Variants in GRID1 observed in about 807,000 individuals in gnomAD.
GRID1 encodes the protein glutamate receptor ionotropic, delta-1.
Under a neutral mutation model 98.0 loss-of-function variants are expected in GRID1, and 28 were observed. The ratio of observed to expected loss-of-function variants is 0.29; its 90% CI spans 0.21 to 0.39. The LOEUF (loss-of-function observed/expected upper bound fraction) is 0.39. Ranked by LOEUF, GRID1 falls within the 10% of genes least tolerant of loss-of-function variation. The pLI is 1.00. For missense variants in GRID1, 1,111 were observed against 1,340.5 expected, an observed-to-expected ratio of 0.83 and a Z score of 2.67; for synonymous variants, 553 against 538.5, an observed-to-expected ratio of 1.03 and a Z score of -0.37.
At chr10:86,178,074 G>C (rs1845602892) in intron 3 of GRID1, among the ~76,000 whole-genome samples, 1 of 152,062 alleles carries the variant, frequency 6.6e-6, no homozygotes, top group Non-Finnish European at 1.5e-5. Context: ...GTAAACCTCT[G>C]TGCTGAGATT....
intron 5 of GRID1, among the ~76,000 whole-genome samples, chr10:85,889,068 T>C (rs778834221): frequency 1.7e-4 from 26 of 152,322 alleles, no homozygotes; most frequent in Middle Eastern, 6.8e-3. Flanking sequence ...GCAGGTCTAC[T>C]TGGATTTTAA....
At chr10:86,334,813 C>T (rs1439274268) in intron 2 of GRID1, among the ~76,000 whole-genome samples, 1 of 152,226 alleles carries the variant, frequency 6.6e-6, no homozygotes, top group African/African-American at 2.4e-5. Flanking sequence ...GTCTGCAGAG[C>T]CCTCCCACAG....
chr10:85,825,525 A>G (rs552319441), intron 8 of GRID1, among the ~76,000 whole-genome samples: 2 of 152,244 alleles, frequency 1.3e-5, no homozygotes, highest in South Asian at 2.1e-4. Context: ...GTGCAGAAGC[A>G]TTTGAATTTA....
chr10:86,012,588 T>TC lies in GRID1; in HGVS notation c.727-96350dup, dbSNP rs1194579070. On this transcript the variant is annotated intron_variant, in intron 4 of 15. Coordinates refer to ENST00000327946, the MANE Select transcript of GRID1 (RefSeq NM_017551.3). Reference sequence around the variant, plus strand: ...ATTTGCTGTGGGCTGAGTGTTTGTGTCCCCCCCAAAATTCAGGTGTTGCAA... The same window carrying TC: ...ATTTGCTGTGGGCTGAGTGTTTGTGTCCCCCCCCAAAATTCAGGTGTTGCAA... 4.6e-5 allele frequency among the ~76,000 whole-genome samples: 7 copies of TC among 152,096 alleles called. No individual in the cohort carries two copies. The East Asian group carries it at 9.7e-4, about 21-fold the overall frequency.
chr10:85,984,515 T>G (rs868743519), intron 4 of GRID1, among the ~76,000 whole-genome samples: 1 of 151,696 alleles, frequency 6.6e-6, no homozygotes, highest in African/African-American at 2.4e-5. Context: ...TGCAGGCAGG[T>G]GGAATGGGCC....
intron 12 of GRID1, among the ~76,000 whole-genome samples, chr10:85,651,557 A>T (rs1053316398): frequency 1.3e-5 from 2 of 152,192 alleles, no homozygotes; most frequent in African/African-American, 4.8e-5. Context: ...ACCTAAAAGG[A>T]TGACTTGCAG....
intron 12 of GRID1, among the ~76,000 whole-genome samples, chr10:85,651,204 C>G (rs1843264173): frequency 6.6e-6 from 1 of 152,330 alleles, no homozygotes; most frequent in Non-Finnish European, 1.5e-5. Flanking sequence ...TTAATGATCA[C>G]AGACATATAC....
Position 86,011,389 on chromosome 10 carries a change from A to G in GRID1, c.727-95150T>C, listed in dbSNP as rs534724923. Among the ~76,000 whole-genome samples, 3 of 152,358 alleles carry G rather than the reference A, an allele frequency of 2.0e-5. No homozygotes were observed. In the South Asian group the frequency reaches 6.2e-4, roughly 32 times the overall value. ...AATACCTAGCAAATAATAAATGCTC[A>G]TTAAATATTTGTTTAGTGAATAAAA... is the stretch of plus-strand genomic sequence containing the variant. On this transcript the variant is annotated intron_variant, in intron 4 of 15. Transcript: ENST00000327946.
chr10:86,260,715 C>T (rs1291724005), intron 2 of GRID1, among the ~76,000 whole-genome samples: 5 of 152,166 alleles, frequency 3.3e-5, no homozygotes, highest in Non-Finnish European at 7.3e-5. Flanking sequence ...TCCCCTGAGC[C>T]TGATTGGGAA....
Position 85,629,633 on chromosome 10 carries a change from A to G in GRID1, c.2194-9600T>C, listed in dbSNP as rs77291846. 1.1e-3 allele frequency among the ~76,000 whole-genome samples: 175 copies of G among 152,314 alleles called. 1 individual carries two copies. In the East Asian group the frequency reaches 0.033, roughly 29 times the overall value. On this transcript the variant is annotated intron_variant, in intron 13 of 15. Transcript: ENST00000327946. ...ATATATATCACATTTTCTTTATCCA[A>G]TCAACAGATTGATTTCATATCTTTG...
At chr10:85,708,394 A>G (rs1841546987) in intron 12 of GRID1, among the ~76,000 whole-genome samples, 1 of 149,190 alleles carries the variant, frequency 6.7e-6, no homozygotes, top group Non-Finnish European at 1.5e-5. Context: ...ACAAAGCAAG[A>G]CTCTGTCTCA....
intron 2 of GRID1, among the ~76,000 whole-genome samples, chr10:86,243,136 G>A (rs956433328): frequency 6.6e-6 from 1 of 152,186 alleles, no homozygotes; most frequent in Non-Finnish European, 1.5e-5. Context: ...TGACAGTGGT[G>A]GTGGTTCATA....
At chr10:86,164,228 T>C (rs1845365887) in intron 3 of GRID1, among the ~76,000 whole-genome samples, 1 of 152,174 alleles carries the variant, frequency 6.6e-6, no homozygotes, top group Non-Finnish European at 1.5e-5. Context: ...GGACAAAATC[T>C]GGGGGAGGCT....
At chr10:85,889,592 C>T (rs1841165545) in intron 5 of GRID1, among the ~76,000 whole-genome samples, 1 of 152,152 alleles carries the variant, frequency 6.6e-6, no homozygotes, top group Admixed American at 6.6e-5. Flanking sequence ...TGTTGATGGA[C>T]ACTTAGGTTG....
At chr10:85,727,395 A>G (rs189030383) in intron 10 of GRID1, among the ~76,000 whole-genome samples, 3 of 152,336 alleles carry the variant, frequency 2.0e-5, no homozygotes, top group African/African-American at 7.2e-5. Context: ...GAAGAGTACA[A>G]TTTAAATAAG....
intron 4 of GRID1, among the ~76,000 whole-genome samples, chr10:86,081,287 T>C (rs887453368): frequency 1.3e-5 from 2 of 152,058 alleles, no homozygotes; most frequent in Admixed American, 6.5e-5. Flanking sequence ...CGTGCAGAGA[T>C]GGTGGGTATT....
intron 8 of GRID1, among the ~76,000 whole-genome samples, chr10:85,828,741 TC>T (rs1442054180): frequency 6.6e-6 from 1 of 151,804 alleles, no homozygotes; most frequent in Non-Finnish European, 1.5e-5. Context: ...ACATACAACC[TC>T]CCAAAATTGA....
At chr10:86,328,496 G>A (rs902083950) in intron 2 of GRID1, among the ~76,000 whole-genome samples, 2 of 152,218 alleles carry the variant, frequency 1.3e-5, no homozygotes, top group African/African-American at 4.8e-5. Flanking sequence ...CATGAGCAGC[G>A]GTGCTCTGCA....
At chr10:85,940,060 C>T (rs1170405463) in intron 4 of GRID1, among the ~76,000 whole-genome samples, 1 of 115,866 alleles carries the variant, frequency 8.6e-6, no homozygotes, top group African/African-American at 3.5e-5. Context: ...CAGTGAGACT[C>T]CCTCTCAAAA....
Sources: allele counts gnomAD v4.1 joint callset (sites outside exome capture counted in the v4.1 genomes callset), GRCh38; gene constraint gnomAD v4.1.1; transcripts MANE v1.5; gene names NCBI Gene and HGNC (gene_info 2026-07-23, HGNC 2026-07-21).